RPS6KC1: variants seen among roughly 807,000 people sequenced by gnomAD.
The protein encoded by RPS6KC1 is inactive ribosomal protein S6 kinase delta-1.
In RPS6KC1, 54 loss-of-function variants were observed where a neutral mutation model predicts 103.8. That is an observed-to-expected ratio of 0.52 (90% CI 0.42 to 0.65). The LOEUF is 0.65. Ranked by LOEUF, RPS6KC1 falls within the 30% of genes least tolerant of loss-of-function variation. The pLI is 0.00. For missense variants in RPS6KC1, 1,151 were observed against 1,253.8 expected, an observed-to-expected ratio of 0.92 and a Z score of 1.24; for synonymous variants, 439 against 438.7, an observed-to-expected ratio of 1.00 and a Z score of -0.01.
At chr1:213,602,120 C>CTCTCTCTCTT in the RPS6KC1 span, among the ~76,000 whole-genome samples, 3 of 5,156 alleles carry the variant, frequency 5.8e-4, no homozygotes, top group Admixed American at 3.2e-3. Flanking sequence ...TTCTTTCTTT[C>CTCTCTCTCTT]TCTTTCTTTC....
chr1:213,052,823 T>G (rs1357741369), intron 1 of RPS6KC1, among the ~76,000 whole-genome samples: 2 of 152,168 alleles, frequency 1.3e-5, no homozygotes, highest in African/African-American at 4.8e-5. Context: ...ATTACAGGCA[T>G]GAGCCACCAC....
chr1:213,670,431 C>T, the RPS6KC1 span, among the ~76,000 whole-genome samples: 2 of 152,218 alleles, frequency 1.3e-5, no homozygotes, highest in Admixed American at 6.5e-5. Flanking sequence ...ACAGAGACAG[C>T]TAGCTCAGAG....
the RPS6KC1 span, among the ~76,000 whole-genome samples, chr1:213,291,810 C>A: frequency 2.0e-5 from 3 of 152,214 alleles, no homozygotes; most frequent in African/African-American, 7.2e-5. Context: ...TGATTAGTAA[C>A]CCAGCTTCCT....
chr1:213,627,758 T>A, the RPS6KC1 span, among the ~76,000 whole-genome samples: 2 of 152,222 alleles, frequency 1.3e-5, no homozygotes, highest in Non-Finnish European at 2.9e-5. Context: ...CAACCTTGCA[T>A]CCCAGGCATG....
At chr1:213,349,835 G>T in the RPS6KC1 span, among the ~76,000 whole-genome samples, 2 of 152,168 alleles carry the variant, frequency 1.3e-5, no homozygotes, top group African/African-American at 4.8e-5. Flanking sequence ...ACTTGACAGG[G>T]CCATAAGCAT....
chr1:213,491,363 C>A, the RPS6KC1 span, among the ~76,000 whole-genome samples: 1 of 152,134 alleles, frequency 6.6e-6, no homozygotes, highest in Non-Finnish European at 1.5e-5. Context: ...GCCTGGCCAA[C>A]ACGGTGAAAC....
At chr1:213,751,466 G>C in the RPS6KC1 span, among the ~76,000 whole-genome samples, 1 of 152,088 alleles carries the variant, frequency 6.6e-6, no homozygotes, top group African/African-American at 2.4e-5. Context: ...CCACGCTTTT[G>C]GTCCATTCTG....
At chr1:213,768,895 T>C in the RPS6KC1 span, among the ~76,000 whole-genome samples, 8 of 152,166 alleles carry the variant, frequency 5.3e-5, no homozygotes, top group Non-Finnish European at 1.0e-4. Flanking sequence ...TGTCCAAAGA[T>C]TTACTTTAAA....
the RPS6KC1 span, among the ~76,000 whole-genome samples, chr1:213,395,720 T>G: frequency 1.3e-5 from 2 of 152,160 alleles, no homozygotes; most frequent in African/African-American, 4.8e-5. Context: ...TTCTAAAGAT[T>G]TAATAATTGG....
intron 6 of RPS6KC1, among the ~76,000 whole-genome samples, chr1:213,134,226 A>G (rs1454207233): frequency 1.3e-5 from 2 of 152,092 alleles, no homozygotes; most frequent in Non-Finnish European, 2.9e-5. Flanking sequence ...TGCCATAGTT[A>G]TACCCGTTGC....
At chr1:213,599,433 G>GA in the RPS6KC1 span, among the ~76,000 whole-genome samples, 90,014 of 137,890 alleles carry the variant, frequency 0.65, 29,821 homozygotes, top group South Asian at 0.76. Context: ...TAACACTGGA[G>GA]AAAAAAAAAA....
chr1:213,573,234 C>G, the RPS6KC1 span, among the ~76,000 whole-genome samples: 1 of 152,166 alleles, frequency 6.6e-6, no homozygotes, highest in African/African-American at 2.4e-5. Context: ...CTCCTGGAAA[C>G]GCCCCACATT....
the RPS6KC1 span, among the ~76,000 whole-genome samples, chr1:213,590,856 C>T: frequency 1.3e-5 from 2 of 152,158 alleles, no homozygotes; most frequent in Admixed American, 1.3e-4. Context: ...CTTCTGTCTT[C>T]AGAGCCACTT....
the RPS6KC1 span, among the ~76,000 whole-genome samples, chr1:213,662,392 G>C: frequency 6.6e-6 from 1 of 150,794 alleles, no homozygotes; most frequent in Non-Finnish European, 1.5e-5. Flanking sequence ...CTCCAGGGTA[G>C]CTAGGATTAC....
the RPS6KC1 span, among the ~76,000 whole-genome samples, chr1:213,854,802 G>C: frequency 6.6e-6 from 1 of 152,188 alleles, no homozygotes; most frequent in Non-Finnish European, 1.5e-5. Flanking sequence ...CCTCTGGTTA[G>C]AGTCTTCGCT....
the RPS6KC1 span, among the ~76,000 whole-genome samples, chr1:213,452,267 A>T: frequency 4.0e-5 from 6 of 151,602 alleles, no homozygotes; most frequent in Non-Finnish European, 7.4e-5. Context: ...TTTGTCTAAG[A>T]TTATTAGAAG....
At chr1:213,073,437 G>T (rs1322447905) in intron 2 of RPS6KC1, among the ~76,000 whole-genome samples, 1 of 152,192 alleles carries the variant, frequency 6.6e-6, no homozygotes, top group East Asian at 1.9e-4. Flanking sequence ...CTGTCATTCA[G>T]TAGATTGTGT....
chr1:213,232,358 T>C, intron 10 of RPS6KC1, 103 bp downstream of exon 10: 2 of 1,429,070 alleles, frequency 1.4e-6, no homozygotes, highest in Non-Finnish European at 9.8e-7. Context: ...ATGAAACACG[T>C]TTAAGAAACC....
At chr1:213,304,178 C>CCTGG in the RPS6KC1 span, among the ~76,000 whole-genome samples, 1 of 136,206 alleles carries the variant, frequency 7.3e-6, no homozygotes, top group Non-Finnish European at 1.5e-5. Flanking sequence ...TGCACTCCAG[C>CCTGG]CTGGGCGACA....
Sources: allele counts gnomAD v4.1 joint callset (sites outside exome capture counted in the v4.1 genomes callset), GRCh38; gene constraint gnomAD v4.1.1; transcripts MANE v1.5; gene names NCBI Gene and HGNC (gene_info 2026-07-23, HGNC 2026-07-21).